The following SV2C variants were observed in gnomAD, a reference collection of about 807,000 sequenced individuals.
SV2C encodes the protein solute carrier family 22 member B3.
SV2C carries 49 observed loss-of-function variants against 79.7 expected under a neutral mutation model. The ratio of observed to expected loss-of-function variants is 0.61; its 90% CI spans 0.49 to 0.78. The LOEUF is 0.78. Among genes scored for constraint, SV2C ranks in the 30% least tolerant of loss-of-function variants. The pLI, the probability that SV2C is intolerant of heterozygous loss-of-function variation, is 0.00. For synonymous variants in SV2C, 334 were observed against 333.2 expected (o/e 1.00, Z -0.03); for missense variants, 833 against 912.9 (o/e 0.91, Z 1.13).
chr5:76,091,117 A>G (rs1049581343), intron 1 of SV2C, among the ~76,000 whole-genome samples: 1 of 152,196 alleles, frequency 6.6e-6, no homozygotes, highest in African/African-American at 2.4e-5. Context: ...TCTTTTCAAC[A>G]CAAGACAGAA....
chr5:76,182,629 C>T (rs1454929886), intron 2 of SV2C, among the ~76,000 whole-genome samples: 1 of 152,186 alleles, frequency 6.6e-6, no homozygotes, highest in Non-Finnish European at 1.5e-5. Context: ...TCAGAGCCAG[C>T]ACGTGAGAGT....
the SV2C span, among the ~76,000 whole-genome samples, chr5:75,925,068 T>C: frequency 2.6e-5 from 4 of 152,208 alleles, no homozygotes; most frequent in African/African-American, 9.6e-5. Context: ...GGGTTTACAC[T>C]ATTAGTAAAA....
Position 76,285,624 on chromosome 5 carries a change from G to A in SV2C, c.1048-157G>A, listed in dbSNP as rs545342938. On this transcript the variant is annotated intron_variant, in intron 5 of 12. Coordinates refer to ENST00000502798, the MANE Select transcript of SV2C (RefSeq NM_014979.4). The stretch of plus-strand genomic sequence containing the variant: ...ATTATTTGAACTGCTCATGTATTCA[G>A]TGATATCCAAATAGTCTGTATGTTC... 4 of 640,934 alleles carry A rather than the reference G, an allele frequency of 6.2e-6. No homozygotes were observed. In the African/African-American group the frequency reaches 7.3e-5, roughly 12 times the overall value. 39.7% of individuals were successfully genotyped at this position (640,934 alleles called of 1,614,324 possible). A position where few individuals can be genotyped will look rare whatever the true frequency, so the allele number is the denominator to read the frequency against.
chr5:75,849,986 C>T, the SV2C span, among the ~76,000 whole-genome samples: 3 of 151,782 alleles, frequency 2.0e-5, no homozygotes, highest in African/African-American at 7.3e-5. Context: ...AGAATGATGG[C>T]TAATGGTTTT....
chr5:76,123,783 A>T (rs1239614139), intron 1 of SV2C, among the ~76,000 whole-genome samples: 7 of 152,192 alleles, frequency 4.6e-5, no homozygotes, highest in African/African-American at 1.7e-4. Flanking sequence ...TTTGAGAACC[A>T]CTACTATGGA....
chr5:76,237,353 A>G (rs1745643923), intron 4 of SV2C, among the ~76,000 whole-genome samples: 1 of 152,090 alleles, frequency 6.6e-6, no homozygotes, highest in African/African-American at 2.4e-5. Context: ...TCCCATATCT[A>G]TAGTCTCATA....
At chr5:76,001,871 G>A in the SV2C span, among the ~76,000 whole-genome samples, 26 of 151,992 alleles carry the variant, frequency 1.7e-4, no homozygotes, top group Non-Finnish European at 3.1e-4. Flanking sequence ...CTTCAGTGGC[G>A]ATTTCTGAGA....
At chr5:76,342,112 G>A (rs1016545551) in intron 12 of SV2C, among the ~76,000 whole-genome samples, 5 of 152,118 alleles carry the variant, frequency 3.3e-5, no homozygotes, top group South Asian at 2.1e-4. Flanking sequence ...GCCTCTGGCA[G>A]CCAGAAAGAG....
chr5:76,200,785 G>A (rs1402120785), intron 3 of SV2C, among the ~76,000 whole-genome samples: 1 of 152,106 alleles, frequency 6.6e-6, no homozygotes, highest in Non-Finnish European at 1.5e-5. Flanking sequence ...GACCACAGAT[G>A]CATGCCACCA....
intron 2 of SV2C, among the ~76,000 whole-genome samples, chr5:76,150,205 T>TC (rs61360350): frequency 0.34 from 51,916 of 151,540 alleles, 10,584 homozygotes; most frequent in Non-Finnish European, 0.47. Context: ...TATCTTTTTT[T>TC]TTTTTTTTTG....
At chr5:76,139,105 C>G (rs572707825) in intron 2 of SV2C, among the ~76,000 whole-genome samples, 2 of 149,624 alleles carry the variant, frequency 1.3e-5, no homozygotes, top group South Asian at 2.1e-4. Flanking sequence ...GGCGATGGAG[C>G]GAGACTCCAT....
the SV2C span, among the ~76,000 whole-genome samples, chr5:75,999,597 G>A: frequency 1.3e-5 from 2 of 151,728 alleles, no homozygotes; most frequent in East Asian, 1.9e-4. Flanking sequence ...CCCAGCTCAA[G>A]CAGTGAAGCA....
chr5:76,139,885 C>CA (rs1189592888), intron 2 of SV2C, among the ~76,000 whole-genome samples: 1 of 47,156 alleles, frequency 2.1e-5, no homozygotes, highest in African/African-American at 5.5e-5. Flanking sequence ...TTTTTTGAGA[C>CA]AGAGTCTCAC....
chr5:75,860,581 A>G, the SV2C span, among the ~76,000 whole-genome samples: 1 of 152,230 alleles, frequency 6.6e-6, no homozygotes. Context: ...AGAAGTAGAA[A>G]AAAGCTATTC....
At chr5:76,068,597 T>C in the SV2C span, among the ~76,000 whole-genome samples, 3 of 152,160 alleles carry the variant, frequency 2.0e-5, no homozygotes, top group African/African-American at 7.2e-5. Flanking sequence ...AATGTCTTTG[T>C]ACTCTTCAAA....
intron 2 of SV2C, among the ~76,000 whole-genome samples, chr5:76,169,460 G>A (rs1743148080): frequency 6.6e-6 from 1 of 152,172 alleles, no homozygotes; most frequent in African/African-American, 2.4e-5. Context: ...GGCATAAGTA[G>A]GTATATTTTA....
chr5:76,148,196 T>C (rs1021720862), intron 2 of SV2C, among the ~76,000 whole-genome samples: 3 of 152,236 alleles, frequency 2.0e-5, no homozygotes, highest in Non-Finnish European at 4.4e-5. Context: ...ATTTGGCTTT[T>C]GATATGTCAC....
chr5:76,030,025 G>A, the SV2C span, among the ~76,000 whole-genome samples: 1 of 152,014 alleles, frequency 6.6e-6, no homozygotes, highest in Admixed American at 6.6e-5. Flanking sequence ...TGCAGACCCC[G>A]GTTTCTATGG....
chr5:75,848,543 T>G, the SV2C span, among the ~76,000 whole-genome samples: 1 of 152,340 alleles, frequency 6.6e-6, no homozygotes, highest in African/African-American at 2.4e-5. Context: ...ACTGCTGGAC[T>G]GAGAAATCTC....
Sources: allele counts gnomAD v4.1 joint callset (sites outside exome capture counted in the v4.1 genomes callset), GRCh38; gene constraint gnomAD v4.1.1; transcripts MANE v1.5; gene names NCBI Gene and HGNC (gene_info 2026-07-23, HGNC 2026-07-21).